The following DECR1 variants were observed in gnomAD, a reference collection of about 807,000 sequenced individuals.
DECR1 encodes 2,4-dienoyl-CoA reductase [(3E)-enoyl-CoA-producing], mitochondrial.
DECR1 carries 44 observed loss-of-function variants against 38.8 expected under a neutral mutation model. The ratio of observed to expected loss-of-function variants is 1.13; its 90% CI spans 0.89 to 1.46. The LOEUF (loss-of-function observed/expected upper bound fraction) is 1.46. DECR1 is among the 40% of genes most tolerant of loss of function. The pLI is 0.00. For missense variants in DECR1, 428 were observed against 405.5 expected (o/e 1.06, Z -0.48); for synonymous variants, 148 against 135.2 (o/e 1.09, Z -0.66).
intron 1 of DECR1, chr8:90,003,159 G>T (rs1657920586): frequency 1.3e-5 from 2 of 152,220 alleles, no homozygotes; most frequent in Admixed American, 1.3e-4. Context: ...CCTCAAGTTT[G>T]AATTCCTGGG....
At chr8:90,034,399 A>T (rs1036188813) in intron 5 of DECR1, among the ~76,000 whole-genome samples, 1 of 152,074 alleles carries the variant, frequency 6.6e-6, no homozygotes, top group African/African-American at 2.4e-5. Context: ...CTCAGGACCT[A>T]AAGATTACCC....
intron 1 of DECR1, chr8:90,005,197 A>G (rs1812709502): frequency 2.6e-6 from 1 of 385,702 alleles, no homozygotes; most frequent in Non-Finnish European, 5.1e-6. Flanking sequence ...AACAGAGAGA[A>G]GCGTGTGGAG....
At chr8:90,029,855 G>T (rs1258295540) in intron 5 of DECR1, among the ~76,000 whole-genome samples, 3 of 152,086 alleles carry the variant, frequency 2.0e-5, no homozygotes, top group Non-Finnish European at 2.9e-5. Context: ...CAGTACACAT[G>T]CCCTGATTAG....
At chr8:90,008,688 C>T (rs909115812) in intron 1 of DECR1, among the ~76,000 whole-genome samples, 1 of 152,066 alleles carries the variant, frequency 6.6e-6, no homozygotes, top group African/African-American at 2.4e-5. Context: ...CTTAAATATC[C>T]TGACTTGATC....
Position 90,051,944 on chromosome 8 carries a change from A to G in DECR1, c.*47A>G. ...GGTTACAGAAAAGGGAATAGAAATG[A>G]AACAAATTATCTCTCATCTTTTGAC... On this transcript the variant is annotated 3_prime_UTR_variant, in exon 10 of 10. Coordinates refer to ENST00000220764, the MANE Select transcript of DECR1 (RefSeq NM_001359.2). 1 of 1,489,536 alleles carries G rather than the reference A, an allele frequency of 6.7e-7. No homozygotes were observed. The highest frequency in any genetic ancestry group is 9.3e-7 in the Non-Finnish European group (1 of 1,071,752). The allele number at this position is 1,489,536 out of a possible 1,614,324, so 92.3% of individuals were successfully genotyped here. A position where few individuals can be genotyped will look rare whatever the true frequency, so the allele number is the denominator to read the frequency against.
chr8:90,025,523 T>C (rs1813310446), intron 5 of DECR1, among the ~76,000 whole-genome samples: 1 of 152,222 alleles, frequency 6.6e-6, no homozygotes, highest in Non-Finnish European at 1.5e-5. Flanking sequence ...GCTTTCTGTT[T>C]GTCTGTTATT....
intron 5 of DECR1, among the ~76,000 whole-genome samples, chr8:90,031,570 T>C (rs1375436989): frequency 6.6e-6 from 1 of 152,174 alleles, no homozygotes; most frequent in Non-Finnish European, 1.5e-5. Context: ...AGTTTTTAAA[T>C]GTTATAGTCC....
rs747862157 is a variant in DECR1 at position 90,044,893 on chromosome 8, AATG to A, written c.786_788del (p.Met262del). ...ACCCAACTGGAACATTTGAGAAAGA[AATG>A]ATTGGCAGAATTCCCTGTGGTCGCC... On this transcript the variant is annotated inframe_deletion, in exon 8 of 10. Transcript: ENST00000220764. The A allele has an allele frequency of 1.2e-6, 2 of 1,613,336 alleles. No individual in the cohort carries two copies. The highest frequency in any genetic ancestry group is 2.2e-5 in the South Asian group (2 of 90,970).
chr8:90,050,725 G>A (rs1366789028), intron 8 of DECR1, among the ~76,000 whole-genome samples: 1 of 152,150 alleles, frequency 6.6e-6, no homozygotes, highest in African/African-American at 2.4e-5. Flanking sequence ...ACATGCACAC[G>A]TATGTTTATT....
intron 1 of DECR1, among the ~76,000 whole-genome samples, chr8:90,012,523 A>G (rs1056149526): frequency 1.3e-5 from 2 of 152,198 alleles, no homozygotes; most frequent in African/African-American, 4.8e-5. Flanking sequence ...GTCATTGGAA[A>G]TGACTAATTT....
At chr8:90,038,814 T>G (rs1248253120) in intron 6 of DECR1, among the ~76,000 whole-genome samples, 1 of 152,188 alleles carries the variant, frequency 6.6e-6, no homozygotes, top group African/African-American at 2.4e-5. Flanking sequence ...CACATTAGTT[T>G]GAGATAGAAA....
rs932960046 is a variant in DECR1, at chr8:90,028,230, A to G, written c.565+7174A>G. Among the ~76,000 whole-genome samples the G allele has an allele frequency of 5.3e-5, 8 of 152,150 alleles. No individual in the cohort carries two copies. In the South Asian group the frequency reaches 6.2e-4, roughly 12 times the overall value. On this transcript the variant is annotated intron_variant, in intron 5 of 9. Transcript: ENST00000220764. ...TGTGCCGCCATCAGAGGCATATTAT[A>G]TAAGTGTTCAACATAGTGTGATACT...
At chr8:90,042,649 T>A (rs1813790234) in intron 6 of DECR1, 79 bp from the exon 7 acceptor site, 2 of 1,182,238 alleles carry the variant, frequency 1.7e-6, no homozygotes, top group African/African-American at 3.0e-5. Flanking sequence ...GTAGTAAGCA[T>A]CTAGTGAGTC....
chr8:90,015,399 A>G (rs905713427), intron 1 of DECR1: 2 of 290,250 alleles, frequency 6.9e-6, no homozygotes, highest in African/African-American at 4.4e-5. Flanking sequence ...TAAATATTGA[A>G]TCTACTACTT....
chr8:90,015,168 A>C (rs543712453), intron 1 of DECR1, among the ~76,000 whole-genome samples: 13 of 152,316 alleles, frequency 8.5e-5, no homozygotes, highest in South Asian at 2.1e-4. Context: ...AACAAACAAA[A>C]AAAAACAAAT....
chr8:90,020,475 A>T (rs1813125792), intron 4 of DECR1, among the ~76,000 whole-genome samples: 1 of 151,854 alleles, frequency 6.6e-6, no homozygotes. Context: ...TGGAGCCTTG[A>T]CCTCCTGGGT....
intron 5 of DECR1, among the ~76,000 whole-genome samples, chr8:90,032,850 G>A (rs765455414): frequency 2.0e-5 from 3 of 152,072 alleles, no homozygotes; most frequent in Admixed American, 6.6e-5. Context: ...GTTTCCTAAC[G>A]CAACTTGCCA....
chr8:90,038,287 G>A (rs1813663982), intron 6 of DECR1, among the ~76,000 whole-genome samples: 1 of 151,978 alleles, frequency 6.6e-6, no homozygotes, highest in Non-Finnish European at 1.5e-5. Flanking sequence ...TTGCTGTGAT[G>A]TTTTGCTTAC....
chr8:90,051,996 T>A lies in DECR1; in HGVS notation c.*99T>A. The A allele has an allele frequency of 9.7e-7, 1 of 1,035,090 alleles. No homozygotes were observed. Among genetic ancestry groups the A allele is most frequent in the Non-Finnish European group, 1.5e-6 (1 of 681,954 alleles). 64.1% of individuals were successfully genotyped at this position (1,035,090 alleles called of 1,614,324 possible). A position where few individuals can be genotyped will look rare whatever the true frequency, so the allele number is the denominator to read the frequency against. ...ATTTCAAGTCTAATAAATTCTTAAT[T>A]AACAAACATTCATTGAATATGTATT... On this transcript the variant is annotated 3_prime_UTR_variant, in exon 10 of 10. Transcript: ENST00000220764.
Sources: allele counts gnomAD v4.1 joint callset (sites outside exome capture counted in the v4.1 genomes callset), GRCh38; gene constraint gnomAD v4.1.1; transcripts MANE v1.5; gene names NCBI Gene and HGNC (gene_info 2026-07-23, HGNC 2026-07-21).